The following ABCA13 variants were observed in gnomAD, a reference collection of about 807,000 sequenced individuals.
ABCA13 encodes the protein ATP binding cassette subfamily A member 13, also known as ATP-binding cassette sub-family A member 13.
Under a neutral mutation model 478.7 loss-of-function variants are expected in ABCA13, and 476 were observed. That is an observed-to-expected ratio of 0.99 (90% CI 0.92 to 1.07). The LOEUF is 1.07. Among genes scored for constraint, ABCA13 ranks in the 50% least tolerant of loss-of-function variants. The pLI is 0.00. For synonymous variants in ABCA13, 2,252 were observed against 2,158.9 expected (o/e 1.04, Z -1.20); for missense variants, 6,060 against 5,910.6 (o/e 1.03, Z -0.83).
At chr7:48,180,706 C>T (rs945968566) in intron 1 of ABCA13, among the ~76,000 whole-genome samples, 6 of 152,088 alleles carry the variant, frequency 3.9e-5, no homozygotes, top group African/African-American at 1.4e-4. Flanking sequence ...GGATTACAGG[C>T]GTGAGCCACC....
rs566618744 is a variant in ABCA13, at chr7:48,293,199, C to G, written c.8956-2501C>G. ...TTTCCTGAGAAGTCTTCAGCCCCCCCCCCGCCACACACACACTAAATCTAC... is the reference window on the plus strand; with the variant it reads ...TTTCCTGAGAAGTCTTCAGCCCCCCGCCCGCCACACACACACTAAATCTAC... On this transcript the variant is annotated intron_variant, in intron 20 of 61. Transcript: ENST00000435803. Among the ~76,000 whole-genome samples, 118 of 135,850 alleles carry G rather than the reference C, an allele frequency of 8.7e-4. 15 individuals carry two copies. In the East Asian group the frequency reaches 0.023, roughly 26 times the overall value. 89.1% of individuals were successfully genotyped at this position (135,850 alleles called of 152,430 possible).
At chr7:48,449,375 A>G (rs1031654308) in intron 42 of ABCA13, among the ~76,000 whole-genome samples, 1 of 151,052 alleles carries the variant, frequency 6.6e-6, no homozygotes, top group Non-Finnish European at 1.5e-5. Flanking sequence ...TTGGCTCTCT[A>G]CTTGGGGAAA....
At chr7:48,261,757 C>T (rs959242150) in intron 15 of ABCA13, among the ~76,000 whole-genome samples, 5 of 151,794 alleles carry the variant, frequency 3.3e-5, no homozygotes, top group African/African-American at 1.2e-4. Flanking sequence ...TCGATTCCTA[C>T]TGGTTTTTAT....
intron 46 of ABCA13, among the ~76,000 whole-genome samples, chr7:48,481,474 T>G (rs1828750554): frequency 1.3e-5 from 2 of 152,216 alleles, no homozygotes; most frequent in South Asian, 4.1e-4. Context: ...TTTCACTCTT[T>G]TAAGTGCTGG....
chr7:48,508,159 C>A (rs1240905003), intron 50 of ABCA13, 110 bp downstream of exon 50: 56 of 1,292,110 alleles, frequency 4.3e-5, no homozygotes, highest in Admixed American at 2.8e-4. Flanking sequence ...GGAGTGTCCA[C>A]AAAAAGGGGT....
chr7:48,547,681 A>C (rs1325410396), intron 55 of ABCA13, among the ~76,000 whole-genome samples: 1 of 151,912 alleles, frequency 6.6e-6, no homozygotes, highest in African/African-American at 2.4e-5. Flanking sequence ...AGTGAGTACC[A>C]TACTTTGGGT....
At chr7:48,263,398 A>C (rs905953739) in intron 15 of ABCA13, among the ~76,000 whole-genome samples, 1 of 151,944 alleles carries the variant, frequency 6.6e-6, no homozygotes, top group Non-Finnish European at 1.5e-5. Context: ...CATGGAGTGC[A>C]GTTTTATGAT....
Position 48,487,323 on chromosome 7 carries a change from AC to A in ABCA13, c.13183-1912del, listed in dbSNP as rs1440829673. Among the ~76,000 whole-genome samples, 160 of 108,634 alleles carry A rather than the reference AC, an allele frequency of 1.5e-3. 5 individuals carry two copies. Among genetic ancestry groups the A allele is most frequent in the African/African-American group, 3.7e-3 (63 of 16,920 alleles). The allele number at this position is 108,634 out of a possible 152,430, so 71.3% of individuals were successfully genotyped here. The stretch of plus-strand genomic sequence containing the variant: ...AACTGTGTCTCAAAAAAAAAACAAA[AC>A]AAAACAAAACAAAAAAAACAAACAA... On this transcript the variant is annotated intron_variant, in intron 47 of 61. Transcript: ENST00000435803.
In ABCA13 at chr7:48,586,751, C is replaced by T. The variant is rs372978578; in HGVS notation, c.14506-403C>T. On this transcript the variant is annotated intron_variant, in intron 56 of 61. Transcript: ENST00000435803. The stretch of plus-strand genomic sequence containing the variant: ...AAATAATAAAGAAAATTTTCTGCTT[C>T]GGTTGTCTTCTCCCTTTAAGTTTTG... 7.9e-5 allele frequency among the ~76,000 whole-genome samples: 12 copies of T among 152,282 alleles called. No homozygotes were observed. In the East Asian group the frequency reaches 1.7e-3, roughly 22 times the overall value.
intron 15 of ABCA13, among the ~76,000 whole-genome samples, chr7:48,267,270 T>C (rs1429571476): frequency 1.3e-5 from 2 of 152,054 alleles, no homozygotes; most frequent in Non-Finnish European, 2.9e-5. Context: ...ATCTCTTGAC[T>C]ATAATTGTAC....
At position 48,245,614 on chromosome 7, in the gene ABCA13, T is replaced by A. The variant is rs1237822681; in HGVS notation, c.1491+2T>A. ...GTGTTCTTTTGGGAGCTGAAACAGG[T>A]AAAGCACAACAAATAATTATAAATA... On this transcript the variant is annotated splice_donor_variant, in intron 12 of 61. Transcript: ENST00000435803. LOFTEE classifies it high-confidence loss of function. The A allele has an allele frequency of 6.2e-7, 1 of 1,604,366 alleles. No individual in the cohort carries two copies. The highest frequency in any genetic ancestry group is 2.2e-5 in the East Asian group (1 of 44,806).
chr7:48,246,062 G>A lies in ABCA13; in HGVS notation c.1659+32G>A, dbSNP rs767616339. 9 of 1,582,304 alleles carry A rather than the reference G, an allele frequency of 5.7e-6. No individual in the cohort carries two copies. The East Asian group carries it at 1.8e-4, about 32-fold the overall frequency. On this transcript the variant is annotated intron_variant, in intron 13 of 61. Coordinates refer to ENST00000435803, the MANE Select transcript of ABCA13 (RefSeq NM_152701.5). ...ATTCTACCATCTTAGCTCTTCTAAG[G>A]GCACAAATTTAAGATTAAATTCACC...
intron 55 of ABCA13, among the ~76,000 whole-genome samples, chr7:48,558,378 C>T (rs1019095123): frequency 2.0e-5 from 3 of 151,702 alleles, no homozygotes; most frequent in African/African-American, 7.3e-5. Flanking sequence ...CTCACTGCAA[C>T]CTCTGCTTCC....
At chr7:48,336,492 C>A (rs1806285173) in intron 28 of ABCA13, among the ~76,000 whole-genome samples, 2 of 152,082 alleles carry the variant, frequency 1.3e-5, no homozygotes, top group Non-Finnish European at 1.5e-5. Flanking sequence ...GTGGAAGCAT[C>A]CTGGTGGGCC....
At chr7:48,595,683 G>A (rs1206612125) in intron 58 of ABCA13, among the ~76,000 whole-genome samples, 1 of 152,190 alleles carries the variant, frequency 6.6e-6, no homozygotes, top group Non-Finnish European at 1.5e-5. Flanking sequence ...ACTAATGGAT[G>A]CCTGCACACA....
At chr7:48,534,176 G>A (rs888040763) in intron 55 of ABCA13, among the ~76,000 whole-genome samples, 3 of 151,846 alleles carry the variant, frequency 2.0e-5, no homozygotes, top group Admixed American at 6.6e-5. Context: ...TGGTAGTGGC[G>A]AATTCTCTCA....
intron 42 of ABCA13, among the ~76,000 whole-genome samples, chr7:48,449,647 C>T (rs569694709): frequency 6.6e-6 from 1 of 152,318 alleles, no homozygotes; most frequent in Non-Finnish European, 1.5e-5. Context: ...GTATATTTCC[C>T]AAGGAAACCT....
chr7:48,188,321 G>A (rs187656653), intron 1 of ABCA13, among the ~76,000 whole-genome samples: 18 of 152,138 alleles, frequency 1.2e-4, no homozygotes, highest in African/African-American at 3.6e-4. Flanking sequence ...AGGTTTCCTC[G>A]AGAGTCAGCC....
At chr7:48,508,946 A>G (rs139697944) in intron 50 of ABCA13, among the ~76,000 whole-genome samples, 16 of 152,288 alleles carry the variant, frequency 1.1e-4, no homozygotes, top group East Asian at 5.8e-4. Flanking sequence ...TGAAAGTACA[A>G]TTTATCGGGG....
Sources: gnomAD v4.1 joint callset for allele counts (sites outside exome capture counted in the v4.1 genomes callset) on GRCh38, gnomAD v4.1.1 for gene constraint, MANE v1.5 for transcripts, NCBI Gene and HGNC (gene_info 2026-07-23, HGNC 2026-07-21) for gene names.